ELOVL2: variants seen among roughly 807,000 people sequenced by gnomAD.
ELOVL2 encodes ELOVL fatty acid elongase 2.
ELOVL2 carries 38 observed loss-of-function variants against 37.7 expected under a neutral mutation model. The observed-to-expected ratio is 1.01, with a 90% CI of 0.78 to 1.32. ELOVL2 has a LOEUF of 1.32. Ranked by LOEUF, ELOVL2 falls within the 40% of genes most tolerant of loss-of-function variation. ELOVL2 has a pLI of 0.00. For missense variants in ELOVL2, 352 were observed against 363.6 expected (o/e 0.97, Z 0.26); for synonymous variants, 115 against 122.3 (o/e 0.94, Z 0.40).
At chr6:11,041,264 C>G (rs1192194216) in intron 1 of ELOVL2, among the ~76,000 whole-genome samples, 1 of 152,170 alleles carries the variant, frequency 6.6e-6, no homozygotes, top group African/African-American at 2.4e-5. Flanking sequence ...TAGCAGGGCC[C>G]TGTTTTCTGA....
intron 1 of ELOVL2, among the ~76,000 whole-genome samples, chr6:11,013,291 CAG>C (rs781484439): frequency 2.8e-4 from 42 of 152,238 alleles, no homozygotes; most frequent in Middle Eastern, 3.4e-3. Context: ...GAGGTGATGT[CAG>C]GGGAACAAAC....
chr6:10,984,893 G>A (rs1782018964), intron 7 of ELOVL2, among the ~76,000 whole-genome samples: 2 of 152,124 alleles, frequency 1.3e-5, no homozygotes, highest in South Asian at 4.1e-4. Flanking sequence ...GGATGGCTGG[G>A]TCAAATGGTA....
intron 1 of ELOVL2, among the ~76,000 whole-genome samples, chr6:11,036,487 G>A (rs1002476337): frequency 6.6e-6 from 1 of 152,128 alleles, no homozygotes; most frequent in African/African-American, 2.4e-5. Context: ...ACAATTCCCT[G>A]GGCTCTGGAG....
At chr6:11,002,254 A>G (rs757451563) in intron 3 of ELOVL2, among the ~76,000 whole-genome samples, 1 of 148,802 alleles carries the variant, frequency 6.7e-6, no homozygotes, top group Non-Finnish European at 1.5e-5. Flanking sequence ...CCCCATCACC[A>G]GCCTCTCACT....
chr6:10,991,437 A>G (rs1270228112), intron 5 of ELOVL2, among the ~76,000 whole-genome samples: 1 of 150,986 alleles, frequency 6.6e-6, no homozygotes, highest in Non-Finnish European at 1.5e-5. Flanking sequence ...GATTTGACGT[A>G]AATTTTTATT....
chr6:10,990,966 A>C (rs187891156), intron 5 of ELOVL2, among the ~76,000 whole-genome samples: 207 of 152,354 alleles, frequency 1.4e-3, no homozygotes, highest in African/African-American at 4.8e-3. Flanking sequence ...TGGAGAAAGA[A>C]TAAAGGAGAC....
intron 1 of ELOVL2, among the ~76,000 whole-genome samples, chr6:11,041,343 G>A (rs1783094932): frequency 6.6e-6 from 1 of 152,150 alleles, no homozygotes; most frequent in South Asian, 2.1e-4. Context: ...GAAAGCACCT[G>A]AACCTCCCAA....
Position 10,983,841 on chromosome 6 carries a change from A to G in ELOVL2, c.831T>C (p.Asn277=). ...CAGTGAAGTAGGCTTTGGAAAAACC[A>G]TTCTTCACTTCTTTCCCTGCAGGTG... The part of the protein sequence containing the change: ...QEPPAGKEVK[N]GFSKAYFTAA... The change falls in exon 8 of 8, where the codon AAT becomes AAC. Residue 277 remains asparagine (N), a synonymous_variant. Coordinates refer to ENST00000354666, the MANE Select transcript of ELOVL2 (RefSeq NM_017770.4). 1 of 1,613,922 alleles carries G rather than the reference A, an allele frequency of 6.2e-7. No individual in the cohort carries two copies. Among genetic ancestry groups the G allele is most frequent in the Non-Finnish European group, 8.5e-7 (1 of 1,179,942 alleles).
At chr6:10,984,857 G>A (rs759586313) in intron 7 of ELOVL2, among the ~76,000 whole-genome samples, 5 of 152,192 alleles carry the variant, frequency 3.3e-5, no homozygotes, top group African/African-American at 1.2e-4. Flanking sequence ...ATGATTTATA[G>A]TCCTTTGGGT....
At chr6:10,996,191 T>TGTA (rs1407888104) in intron 4 of ELOVL2, among the ~76,000 whole-genome samples, 70 of 152,354 alleles carry the variant, frequency 4.6e-4, no homozygotes, top group African/African-American at 1.6e-3. Flanking sequence ...CATGCTCTAC[T>TGTA]GTCTACTTCC....
chr6:11,030,788 G>A (rs549318301), intron 1 of ELOVL2, among the ~76,000 whole-genome samples: 5 of 152,054 alleles, frequency 3.3e-5, no homozygotes, highest in South Asian at 2.1e-4. Context: ...CACCGTGCCC[G>A]GCCATTCAAA....
intron 1 of ELOVL2, among the ~76,000 whole-genome samples, chr6:11,018,746 T>C (rs1438050649): frequency 6.6e-6 from 1 of 152,224 alleles, no homozygotes; most frequent in Non-Finnish European, 1.5e-5. Flanking sequence ...GGATTGATTT[T>C]TTGATGTGTT....
chr6:10,995,911 T>C (rs536373247), intron 4 of ELOVL2, among the ~76,000 whole-genome samples: 1 of 152,300 alleles, frequency 6.6e-6, no homozygotes, highest in South Asian at 2.1e-4. Context: ...AGTATATATG[T>C]TTTTTGTCTC....
intron 1 of ELOVL2, among the ~76,000 whole-genome samples, chr6:11,037,980 G>A (rs1191072321): frequency 6.6e-6 from 1 of 152,112 alleles, no homozygotes; most frequent in Non-Finnish European, 1.5e-5. Flanking sequence ...ATTTTCATAT[G>A]TAATAATGGG....
intron 1 of ELOVL2, among the ~76,000 whole-genome samples, chr6:11,011,723 G>A (rs924302803): frequency 1.2e-4 from 19 of 152,112 alleles, no homozygotes; most frequent in Admixed American, 1.1e-3. Flanking sequence ...GGGTACACCC[G>A]ATTAATTATT....
intron 1 of ELOVL2, among the ~76,000 whole-genome samples, chr6:11,030,282 C>A (rs984695881): frequency 2.0e-4 from 30 of 152,070 alleles, no homozygotes; most frequent in Admixed American, 3.9e-4. Flanking sequence ...TCTAAGAAAA[C>A]AATAGAAGGC....
chr6:11,043,877 G>A (rs919437815), intron 1 of ELOVL2: 2 of 214,712 alleles, frequency 9.3e-6, no homozygotes, highest in Middle Eastern at 1.5e-3. Flanking sequence ...AATGGCCGCC[G>A]CGAAGGAGGG....
intron 5 of ELOVL2, among the ~76,000 whole-genome samples, chr6:10,993,682 CTTTT>C (rs530998480): frequency 2.6e-5 from 4 of 151,930 alleles, no homozygotes; most frequent in Non-Finnish European, 5.9e-5. Context: ...CATGTCTACA[CTTTT>C]TTGTTTTGTT....
intron 3 of ELOVL2, 30 bp from the exon 4 acceptor site, chr6:11,000,194 C>A (rs1782357730): frequency 1.3e-6 from 2 of 1,590,792 alleles, no homozygotes; most frequent in African/African-American, 1.3e-5. Context: ...GAAAGAAAAA[C>A]AAACATCAGC....
Sources: gnomAD v4.1 joint callset for allele counts (sites outside exome capture counted in the v4.1 genomes callset) on GRCh38, gnomAD v4.1.1 for gene constraint, MANE v1.5 for transcripts, NCBI Gene and HGNC (gene_info 2026-07-23, HGNC 2026-07-21) for gene names.